The following RAB30 variants were observed in gnomAD, a reference collection of about 807,000 sequenced individuals.
RAB30 encodes RAB30, member RAS oncogene family, also known as ras-related protein Rab-30.
In RAB30, 9 loss-of-function variants were observed where a neutral mutation model predicts 25.1. The observed-to-expected ratio is 0.36, with a 90% CI of 0.22 to 0.63. RAB30 has a LOEUF of 0.63. Ranked by LOEUF, RAB30 falls within the 20% of genes least tolerant of loss-of-function variation. RAB30 has a pLI of 0.69. For missense variants in RAB30, 140 were observed against 243.5 expected, an observed-to-expected ratio of 0.58 and a Z score of 2.83; for synonymous variants, 77 against 86.4, an observed-to-expected ratio of 0.89 and a Z score of 0.60.
In RAB30 at chr11:82,974,525, C is replaced by A. The variant is rs1037210570; in HGVS notation, c.*7640G>T. The A allele has an allele frequency of 6.6e-6, 1 of 151,990 alleles. No homozygotes were observed. The highest frequency in any genetic ancestry group is 6.6e-5 in the Admixed American group (1 of 15,244). The allele number at this position is 151,990 out of a possible 1,614,324, so 9.4% of individuals were successfully genotyped here. On this transcript the variant is annotated 3_prime_UTR_variant, in exon 5 of 5. Transcript: ENST00000527633. ...TTAACATTTAAAATCAAGTACTATTCTTATATTGAAGTTGGTTAGATTTTA... is the reference window on the plus strand; with the variant it reads ...TTAACATTTAAAATCAAGTACTATTATTATATTGAAGTTGGTTAGATTTTA...
At chr11:83,005,626 G>A (rs1857167813) in intron 1 of RAB30, among the ~76,000 whole-genome samples, 1 of 151,770 alleles carries the variant, frequency 6.6e-6, no homozygotes, top group South Asian at 2.1e-4. Context: ...AAAAACTGAA[G>A]GCATAAAAGT....
At chr11:83,060,957 T>C (rs944589805) in intron 1 of RAB30, among the ~76,000 whole-genome samples, 17 of 152,230 alleles carry the variant, frequency 1.1e-4, no homozygotes, top group African/African-American at 4.1e-4. Context: ...ACACTCTTCC[T>C]CTCCTGTCCT....
chr11:83,048,593 T>C (rs1197263715), intron 1 of RAB30, among the ~76,000 whole-genome samples: 1 of 152,180 alleles, frequency 6.6e-6, no homozygotes, highest in Non-Finnish European at 1.5e-5. Context: ...CTTTTTCCAA[T>C]AGCCAGAGGA....
At chr11:83,021,527 C>G (rs771312448) in intron 1 of RAB30, among the ~76,000 whole-genome samples, 11 of 152,212 alleles carry the variant, frequency 7.2e-5, no homozygotes, top group African/African-American at 1.2e-4. Context: ...TTGAGCTGCC[C>G]GCCCGGCAGC....
At chr11:83,043,015 G>A (rs1332894738) in intron 1 of RAB30, among the ~76,000 whole-genome samples, 4 of 152,122 alleles carry the variant, frequency 2.6e-5, no homozygotes, top group Non-Finnish European at 5.9e-5. Context: ...GACAATATGG[G>A]TATGATAGAT....
At position 83,022,698 on chromosome 11, in the gene RAB30, T is replaced by C. The variant is rs147427978; in HGVS notation, c.-8-25374A>G. 6.7e-3 allele frequency among the ~76,000 whole-genome samples: 1,019 copies of C among 152,264 alleles called. 4 individuals carry two copies. Among genetic ancestry groups the C allele is most frequent in the Middle Eastern group, 0.02 (6 of 294 alleles). ...ACTGACCAGAATCAGAAGTGAAATCTAGAATACTACAAAATGTTTCTTTCA... is the reference window on the plus strand; with the variant it reads ...ACTGACCAGAATCAGAAGTGAAATCCAGAATACTACAAAATGTTTCTTTCA... On this transcript the variant is annotated intron_variant, in intron 1 of 4. Coordinates refer to ENST00000527633, the MANE Select transcript of RAB30 (RefSeq NM_001286060.2).
intron 1 of RAB30, among the ~76,000 whole-genome samples, chr11:83,030,440 T>C (rs945200195): frequency 6.6e-6 from 1 of 151,914 alleles, no homozygotes; most frequent in African/African-American, 2.4e-5. Context: ...CAAGGCTATG[T>C]TGAGCCGTGT....
At chr11:83,053,642 A>G (rs2121518894) in intron 1 of RAB30, among the ~76,000 whole-genome samples, 1 of 151,906 alleles carries the variant, frequency 6.6e-6, no homozygotes, top group Non-Finnish European at 1.5e-5. Flanking sequence ...AATCTAACCC[A>G]CAGGTCCCTT....
At chr11:83,061,237 T>A (rs1858568854) in intron 1 of RAB30, among the ~76,000 whole-genome samples, 1 of 152,102 alleles carries the variant, frequency 6.6e-6, no homozygotes, top group African/African-American at 2.4e-5. Flanking sequence ...TCTCTCTTTC[T>A]CCCTCTCTCT....
In RAB30 at chr11:82,982,367, G is replaced by C; in HGVS notation, c.410C>G (p.Ala137Gly). 6.2e-7 allele frequency: 1 copy of C among 1,614,062 alleles called. No homozygotes were observed. The highest frequency in any genetic ancestry group is 1.1e-5 in the South Asian group (1 of 91,078). The change falls in exon 5 of 5, where the codon GCT (alanine) becomes GGT (glycine). Residue 137 changes from alanine (A) to glycine (G), a missense_variant. Coordinates refer to ENST00000527633, the MANE Select transcript of RAB30 (RefSeq NM_001286060.2). ...GTCCTGAGCTTCTGAGAATTCTTCA[G>C]CTCGCTGCTGGGAAACCTCTCTCCT... ...AERREVSQQR[A>G]EEFSEAQDMY...
intron 1 of RAB30, among the ~76,000 whole-genome samples, chr11:83,057,997 T>C (rs1051401452): frequency 2.6e-5 from 4 of 152,192 alleles, no homozygotes; most frequent in Non-Finnish European, 4.4e-5. Flanking sequence ...AGCCTTGTTT[T>C]ACCCTTGCAA....
intron 1 of RAB30, among the ~76,000 whole-genome samples, chr11:83,054,050 A>C (rs1319486019): frequency 6.6e-6 from 1 of 152,234 alleles, no homozygotes; most frequent in Admixed American, 6.5e-5. Flanking sequence ...AGACTATTCC[A>C]CTACACTCCA....
At chr11:83,052,382 T>C (rs1858375450) in intron 1 of RAB30, among the ~76,000 whole-genome samples, 1 of 152,134 alleles carries the variant, frequency 6.6e-6, no homozygotes, top group Non-Finnish European at 1.5e-5. Flanking sequence ...TGACCTCGGA[T>C]CCTCTATCCA....
At chr11:83,004,196 T>C (rs916189840) in intron 1 of RAB30, among the ~76,000 whole-genome samples, 2 of 152,236 alleles carry the variant, frequency 1.3e-5, no homozygotes, top group African/African-American at 4.8e-5. Context: ...TTTTATAGCA[T>C]TTGAAATAAG....
chr11:83,025,399 CTG>C (rs1857686357), intron 1 of RAB30, among the ~76,000 whole-genome samples: 1 of 152,224 alleles, frequency 6.6e-6, no homozygotes, highest in African/African-American at 2.4e-5. Context: ...AACCTGCTGA[CTG>C]TGTAAAAAAC....
At position 82,978,153 on chromosome 11, in the gene RAB30, A is replaced by G. The variant is rs191427196; in HGVS notation, c.*4012T>C. 6.6e-6 allele frequency: 1 copy of G among 152,288 alleles called. No individual in the cohort carries two copies. Among genetic ancestry groups the G allele is most frequent in the Non-Finnish European group, 1.5e-5 (1 of 68,014 alleles). 9.4% of individuals were successfully genotyped at this position (152,288 alleles called of 1,614,324 possible). A position where few individuals can be genotyped will look rare whatever the true frequency, so the allele number is the denominator to read the frequency against. On this transcript the variant is annotated 3_prime_UTR_variant, in exon 5 of 5. Transcript: ENST00000527633. ...GAAGTCTCAAAAGTATCATAGTATAAACATGTCAGGACCATGGTTGAGAAA... is the reference window on the plus strand; with the variant it reads ...GAAGTCTCAAAAGTATCATAGTATAGACATGTCAGGACCATGGTTGAGAAA...
chr11:83,016,481 A>G lies in RAB30; in HGVS notation c.-8-19157T>C, dbSNP rs574436581. On this transcript the variant is annotated intron_variant, in intron 1 of 4. Coordinates refer to ENST00000527633, the MANE Select transcript of RAB30 (RefSeq NM_001286060.2). ...CTTTTCAGATAAGAAATACTACAGCATATTTATTTGTTACTGAAAATAATC... is the reference window on the plus strand; with the variant it reads ...CTTTTCAGATAAGAAATACTACAGCGTATTTATTTGTTACTGAAAATAATC... 1.7e-4 allele frequency among the ~76,000 whole-genome samples: 26 copies of G among 152,392 alleles called. 1 individual carries two copies. The South Asian group carries it at 4.6e-3, about 27-fold the overall frequency.
At chr11:83,009,870 T>C (rs1311594668) in intron 1 of RAB30, among the ~76,000 whole-genome samples, 1 of 152,154 alleles carries the variant, frequency 6.6e-6, no homozygotes, top group African/African-American at 2.4e-5. Flanking sequence ...AGAGGAAAAT[T>C]CTGCTTCTGG....
intron 1 of RAB30, among the ~76,000 whole-genome samples, chr11:83,037,131 G>A (rs1189086946): frequency 6.6e-6 from 1 of 152,122 alleles, no homozygotes; most frequent in Non-Finnish European, 1.5e-5. Context: ...AATGGTAGGG[G>A]AGAGGATTTT....
Sources: allele counts gnomAD v4.1 joint callset (sites outside exome capture counted in the v4.1 genomes callset), GRCh38; gene constraint gnomAD v4.1.1; transcripts MANE v1.5; gene names NCBI Gene and HGNC (gene_info 2026-07-23, HGNC 2026-07-21).